The following GPN2 variants were observed in gnomAD, a reference collection of about 807,000 sequenced individuals.
GPN2 encodes the protein GPN-loop GTPase 2, also known as ATP-binding domain 1 family member B.
Under a neutral mutation model 30.1 loss-of-function variants are expected in GPN2, and 27 were observed. That is an observed-to-expected ratio of 0.90 (90% CI 0.66 to 1.24). GPN2 has a LOEUF of 1.24. Among genes scored for constraint, GPN2 ranks in the 50% most tolerant of loss-of-function variants. The pLI is 0.00. For missense variants in GPN2, 406 were observed against 405.4 expected (o/e 1.00, Z -0.01); for synonymous variants, 212 against 174.4 (o/e 1.22, Z -1.70).
In GPN2 at chr1:26,890,023, T is replaced by G. The variant is rs1235711946; in HGVS notation, c.74A>C (p.Tyr25Ser). The G allele has an allele frequency of 6.3e-7, 1 of 1,597,578 alleles. No homozygotes were observed. Among genetic ancestry groups the G allele is most frequent in the South Asian group, 1.1e-5 (1 of 90,858 alleles). Residue 25 changes from tyrosine (Y) to serine (S), a missense_variant, in exon 1 of 5, where the codon TAC becomes TCC. By Grantham distance (144) the Tyr-to-Ser change is moderately radical (BLOSUM62 -2). Transcript: ENST00000374135. ...IGPPGSGKTT[Y>S]CLGMSEFLRA... Reference sequence around the variant, plus strand: ...CAGGAACTCACTCATGCCCAGGCAGTACGTGGTCTTCCCTGAGCCCGGCGG... The same window carrying G: ...CAGGAACTCACTCATGCCCAGGCAGGACGTGGTCTTCCCTGAGCCCGGCGG...
rs574417482 is a variant in GPN2 at position 26,878,370 on chromosome 1, C to T, written c.*1307G>A. 1 of 152,354 alleles carries T rather than the reference C, an allele frequency of 6.6e-6. No homozygotes were observed. Among genetic ancestry groups the T allele is most frequent in the Admixed American group, 6.5e-5 (1 of 15,282 alleles). The allele number at this position is 152,354 out of a possible 1,614,324, so 9.4% of individuals were successfully genotyped here. A position where few individuals can be genotyped will look rare whatever the true frequency, so the allele number is the denominator to read the frequency against. On this transcript the variant is annotated 3_prime_UTR_variant, in exon 5 of 5. Coordinates refer to ENST00000374135, the MANE Select transcript of GPN2 (RefSeq NM_018066.4). ...AATCTTGGCTCACTGCAACCTCCGCCTCCTGGGTTCAAGCAATTCTTCTGC... is the reference window on the plus strand; with the variant it reads ...AATCTTGGCTCACTGCAACCTCCGCTTCCTGGGTTCAAGCAATTCTTCTGC...
At chr1:26,889,500 G>A (rs951071294) in intron 1 of GPN2, among the ~76,000 whole-genome samples, 186 bp downstream of exon 1, 1 of 152,208 alleles carries the variant, frequency 6.6e-6, no homozygotes, top group African/African-American at 2.4e-5. Context: ...CTGAGGTTCA[G>A]AGTGATGAAC....
In GPN2 at chr1:26,882,771, A is replaced by G. The variant is rs181280205; in HGVS notation, c.860+1389T>C. On this transcript the variant is annotated intron_variant, in intron 4 of 4. Coordinates refer to ENST00000374135, the MANE Select transcript of GPN2 (RefSeq NM_018066.4). ...CTCATTAGTCACTAACCAAGCTCCA[A>G]AAGTCTGGCTGCCTCTTGGACAGCT... is the stretch of plus-strand genomic sequence containing the variant. 2.6e-5 allele frequency among the ~76,000 whole-genome samples: 4 copies of G among 152,272 alleles called. No homozygotes were observed. In the East Asian group the frequency reaches 7.7e-4, roughly 29 times the overall value.
rs1263527144 is a variant in GPN2 at position 26,877,838 on chromosome 1, AGCCTGAACAACAT to A, written c.*1826_*1838del. On this transcript the variant is annotated 3_prime_UTR_variant, in exon 5 of 5. Transcript: ENST00000374135. The stretch of plus-strand genomic sequence containing the variant: ...ATCATGAGGTCAGTAGTTCAAGACC[AGCCTGAACAACAT>A]GGTGAAACCCCGTCTTTACTAAAAA... 1 of 152,238 alleles carries A rather than the reference AGCCTGAACAACAT, an allele frequency of 6.6e-6. No individual in the cohort carries two copies. The highest frequency in any genetic ancestry group is 1.5e-5 in the Non-Finnish European group (1 of 68,056). The allele number at this position is 152,238 out of a possible 1,614,324, so 9.4% of individuals were successfully genotyped here.
rs1024656988 is a variant in GPN2 at position 26,878,050 on chromosome 1, A to G, written c.*1627T>C. ...TTGTCTCCAAAAAAAGAAAGTCCAAATACATGCAAATAAAACTTGGCATAA... is the reference window on the plus strand; with the variant it reads ...TTGTCTCCAAAAAAAGAAAGTCCAAGTACATGCAAATAAAACTTGGCATAA... On this transcript the variant is annotated 3_prime_UTR_variant, in exon 5 of 5. Coordinates refer to ENST00000374135, the MANE Select transcript of GPN2 (RefSeq NM_018066.4). 6.6e-6 allele frequency: 1 copy of G among 152,140 alleles called. No individual in the cohort carries two copies. The highest frequency in any genetic ancestry group is 2.4e-5 in the African/African-American group (1 of 41,430). 9.4% of individuals were successfully genotyped at this position (152,140 alleles called of 1,614,324 possible). A position where few individuals can be genotyped will look rare whatever the true frequency, so the allele number is the denominator to read the frequency against.
rs566565636 is a variant in GPN2, at chr1:26,883,098, C to T, written c.860+1062G>A. Reference sequence around the variant, plus strand: ...TGTAAAACTCTTTTGCCCCCAATCACGTCCCTTAAATGCATTTTCCACAAT... The same window carrying T: ...TGTAAAACTCTTTTGCCCCCAATCATGTCCCTTAAATGCATTTTCCACAAT... On this transcript the variant is annotated intron_variant, in intron 4 of 4. Transcript: ENST00000374135. Among the ~76,000 whole-genome samples, 9 of 152,354 alleles carry T rather than the reference C, an allele frequency of 5.9e-5. No homozygotes were observed. In the South Asian group the frequency reaches 6.2e-4, roughly 11 times the overall value.
chr1:26,889,257 C>T (rs1436341791), intron 1 of GPN2, 132 bp from the exon 2 acceptor site: 2 of 711,660 alleles, frequency 2.8e-6, no homozygotes, highest in Non-Finnish European at 4.6e-6. Context: ...TTCTAATAAC[C>T]ACCCTGGTTT....
chr1:26,884,198 C>G lies in GPN2; in HGVS notation c.822G>C (p.Met274Ile), dbSNP rs748504717. Residue 274 changes from methionine (M) to isoleucine (I), a missense_variant, in exon 4 of 5, where the codon ATG becomes ATC. By Grantham distance (10) the Met-to-Ile change is conservative (BLOSUM62 1). Transcript: ENST00000374135. ...AGTCGGCTCCCATTGCGGCAGACAT[C>G]ATGGCTTCCAAGCTTCGCTGCTCTT... ...RAQEQRSLEAMMSAAMGADFH... is the reference protein window; with the variant it reads ...RAQEQRSLEAIMSAAMGADFH... The G allele has an allele frequency of 4.3e-6, 7 of 1,613,940 alleles. No individual in the cohort carries two copies. The highest frequency in any genetic ancestry group is 1.7e-4 in the Middle Eastern group (1 of 6,036).
rs1458306091 is a variant in GPN2, at chr1:26,879,662, G to A, written c.*15C>T. On this transcript the variant is annotated 3_prime_UTR_variant, in exon 5 of 5. Transcript: ENST00000374135. The stretch of plus-strand genomic sequence containing the variant: ...GCTGGATTATGCATCCTGCTCTCCA[G>A]GGTCCACCTTGTTGCTACAGCTGCA... 1.2e-6 allele frequency: 2 copies of A among 1,600,504 alleles called. No individual in the cohort carries two copies. Among genetic ancestry groups the A allele is most frequent in the Non-Finnish European group, 1.7e-6 (2 of 1,167,938 alleles).
intron 3 of GPN2, among the ~76,000 whole-genome samples, chr1:26,884,728 G>A (rs1231734388): frequency 6.6e-6 from 1 of 152,124 alleles, no homozygotes; most frequent in African/African-American, 2.4e-5. Flanking sequence ...CACCTGTAAA[G>A]CCCAGCACTT....
At position 26,876,821 on chromosome 1, in the gene GPN2, G is replaced by A. The variant is rs1413969560; in HGVS notation, c.*2856C>T. On this transcript the variant is annotated 3_prime_UTR_variant, in exon 5 of 5. Transcript: ENST00000374135. ...ACCATGGCCTGAAAATAAAGGCCTT[G>A]GATTACTCCCACCCATCTCCACTCC... 1 of 151,842 alleles carries A rather than the reference G, an allele frequency of 6.6e-6. No homozygotes were observed. Among genetic ancestry groups the A allele is most frequent in the Non-Finnish European group, 1.5e-5 (1 of 67,972 alleles). 9.4% of individuals were successfully genotyped at this position (151,842 alleles called of 1,614,324 possible). A position where few individuals can be genotyped will look rare whatever the true frequency, so the allele number is the denominator to read the frequency against.
intron 4 of GPN2, 29 bp downstream of exon 4, chr1:26,884,131 T>C (rs763097232): frequency 5.6e-6 from 9 of 1,602,848 alleles, no homozygotes; most frequent in Non-Finnish European, 7.7e-6. Context: ...TCACCCTCTC[T>C]GCTATGGCCA....
At position 26,889,767 on chromosome 1, in the gene GPN2, G is replaced by A. The variant is rs763897301; in HGVS notation, c.330C>T (p.Asp110=). 1.2e-6 allele frequency: 2 copies of A among 1,613,850 alleles called. No homozygotes were observed. The highest frequency in any genetic ancestry group is 2.2e-5 in the South Asian group (2 of 91,042). Residue 110 remains aspartate, a synonymous_variant, in exon 1 of 5, where the codon GAC becomes GAT. Coordinates refer to ENST00000374135, the MANE Select transcript of GPN2 (RefSeq NM_018066.4). ...DPLRGHYFLF[D]CPGQVELCTH... ...TGCAGAGCTCCACCTGGCCTGGGCA[G>A]TCGAAGAGGAAGTAGTGGCCGCGGA...
Position 26,884,135 on chromosome 1 carries a change from A to T in GPN2, c.860+25T>A, listed in dbSNP as rs1188454587. The T allele has an allele frequency of 1.9e-6, 3 of 1,603,922 alleles. No homozygotes were observed. The Admixed American group carries it at 5.0e-5, about 27-fold the overall frequency. On this transcript the variant is annotated intron_variant, in intron 4 of 4. Transcript: ENST00000374135. ...AGTCCCATGTCTCACCCTCTCTGCT[A>T]TGGCCAGGAAGCTGGCAAGGATACG...
At chr1:26,887,602 C>A (rs1419680766) in intron 2 of GPN2, among the ~76,000 whole-genome samples, 1 of 151,780 alleles carries the variant, frequency 6.6e-6, no homozygotes, top group African/African-American at 2.4e-5. Flanking sequence ...TGCTCTGTCG[C>A]CCAGGCTGGA....
rs2081880161 is a variant in GPN2, at chr1:26,884,303, G to A, written c.730-13C>T. On this transcript the variant is annotated splice_polypyrimidine_tract_variant and intron_variant, in intron 3 of 4. Coordinates refer to ENST00000374135, the MANE Select transcript of GPN2 (RefSeq NM_018066.4). ...TGCTCTCCTTGTCCTGAGCAGGGAGGAGAGAAACAGTTCTGTGAGTGAAAC... is the reference window on the plus strand; with the variant it reads ...TGCTCTCCTTGTCCTGAGCAGGGAGAAGAGAAACAGTTCTGTGAGTGAAAC... 1 of 1,598,714 alleles carries A rather than the reference G, an allele frequency of 6.3e-7. No homozygotes were observed. The highest frequency in any genetic ancestry group is 8.5e-7 in the Non-Finnish European group (1 of 1,175,774).
Position 26,877,792 on chromosome 1 carries a change from T to A in GPN2, c.*1885A>T, listed in dbSNP as rs913749159. 6.6e-6 allele frequency: 1 copy of A among 152,310 alleles called. No homozygotes were observed. The highest frequency in any genetic ancestry group is 1.5e-5 in the Non-Finnish European group (1 of 68,122). The allele number at this position is 152,310 out of a possible 1,614,324, so 9.4% of individuals were successfully genotyped here. A position where few individuals can be genotyped will look rare whatever the true frequency, so the allele number is the denominator to read the frequency against. Reference sequence around the variant, plus strand: ...GGCTCACGCCTGTAATCCCAGCACTTTGGGAGGCCAAGGCGGGTAAATCAT... The same window carrying A: ...GGCTCACGCCTGTAATCCCAGCACTATGGGAGGCCAAGGCGGGTAAATCAT... On this transcript the variant is annotated 3_prime_UTR_variant, in exon 5 of 5. Transcript: ENST00000374135.
Position 26,886,117 on chromosome 1 carries a change from G to C in GPN2, c.585C>G (p.Tyr195Ter). The C allele has an allele frequency of 1.2e-6, 2 of 1,613,628 alleles. No homozygotes were observed. The highest frequency in any genetic ancestry group is 2.2e-5 in the South Asian group (2 of 91,062). Residue 195 changes from tyrosine (Y) to a stop codon, truncating the protein, a stop_gained, in exon 3 of 5, where the codon TAC becomes TAG. Coordinates refer to ENST00000374135, the MANE Select transcript of GPN2 (RefSeq NM_018066.4). LOFTEE classifies it high-confidence loss of function. The part of the protein sequence containing the change: ...HYGKLAFNLD[Y>*]YTEVLDLSYL... ...AGGAGAGGTCCAGAACCTCTGTGTA[G>C]TAGTCCAGGTTGAAGGCTAAAGAGA...
rs2081906408 is a variant in GPN2, at chr1:26,889,112, T to G, written c.425A>C (p.His142Pro). 1 of 1,613,530 alleles carries G rather than the reference T, an allele frequency of 6.2e-7. No homozygotes were observed. The highest frequency in any genetic ancestry group is 8.5e-7 in the Non-Finnish European group (1 of 1,179,700). The change falls in exon 2 of 5, where the codon CAC becomes CCC. Residue 142 changes from histidine (H) to proline (P), a missense_variant. Physicochemically the swap from His to Pro is moderately conservative, Grantham distance 77. Coordinates refer to ENST00000374135, the MANE Select transcript of GPN2 (RefSeq NM_018066.4). Reference protein sequence around the residue: ...AQWDLRLTAVHLVDSHYCTDP... With the variant: ...AQWDLRLTAVPLVDSHYCTDP... Reference sequence around the variant, plus strand: ...TGTGCAGTAGTGAGAATCCACGAGGTGGACGGCAGTCAGCTGGGAGGGAAT... The same window carrying G: ...TGTGCAGTAGTGAGAATCCACGAGGGGGACGGCAGTCAGCTGGGAGGGAAT...
Sources: gnomAD v4.1 joint callset for allele counts (sites outside exome capture counted in the v4.1 genomes callset) on GRCh38, gnomAD v4.1.1 for gene constraint, MANE v1.5 for transcripts, NCBI Gene and HGNC (gene_info 2026-07-23, HGNC 2026-07-21) for gene names.